The following NFIB variants were observed in gnomAD, a reference collection of about 807,000 sequenced individuals.
NFIB encodes the protein nuclear factor 1 B-type.
Under a neutral mutation model 61.5 loss-of-function variants are expected in NFIB, and 11 were observed. That is an observed-to-expected ratio of 0.18 (90% CI 0.11 to 0.30). The LOEUF (loss-of-function observed/expected upper bound fraction) is 0.30, where lower values mean the gene tolerates loss of function less well. Ranked by LOEUF, NFIB falls within the 10% of genes least tolerant of loss-of-function variation. NFIB has a pLI of 1.00. For synonymous variants in NFIB, 260 were observed against 216.5 expected (o/e 1.20, Z -1.76); for missense variants, 471 against 608.9 (o/e 0.77, Z 2.38).
intron 5 of NFIB, among the ~76,000 whole-genome samples, chr9:14,149,131 T>C (rs2042593529): frequency 6.6e-6 from 1 of 152,178 alleles, no homozygotes; most frequent in Non-Finnish European, 1.5e-5. Flanking sequence ...AAGACTTTGA[T>C]ATGTCAGAGA....
chr9:14,106,276 T>C (rs983594582), intron 10 of NFIB, among the ~76,000 whole-genome samples: 5 of 152,262 alleles, frequency 3.3e-5, no homozygotes, highest in South Asian at 2.1e-4. Context: ...ATGCATATCC[T>C]TACAAAAATG....
chr9:14,339,822 AAC>A (rs1189320788), intron 1 of NFIB, among the ~76,000 whole-genome samples: 2 of 152,230 alleles, frequency 1.3e-5, no homozygotes, highest in Admixed American at 6.5e-5. Flanking sequence ...TTTAAAAATT[AAC>A]ACCCTGATAC....
At chr9:14,420,445 C>CAAAAAAAAAAAAAAA in the NFIB span, among the ~76,000 whole-genome samples, 113 of 42,418 alleles carry the variant, frequency 2.7e-3, 6 homozygotes, top group Middle Eastern at 0.025. Context: ...GACTCCGTCT[C>CAAAAAAAAAAAAAAA]AAAAAAAAAA....
At chr9:14,395,165 G>A (rs2061668966) in intron 1 of NFIB, among the ~76,000 whole-genome samples, 1 of 152,068 alleles carries the variant, frequency 6.6e-6, no homozygotes, top group African/African-American at 2.4e-5. Context: ...GCACCTGGCA[G>A]ATTGACTTTA....
chr9:14,197,517 A>C (rs1019008943), intron 2 of NFIB, among the ~76,000 whole-genome samples: 9 of 152,250 alleles, frequency 5.9e-5, no homozygotes. Flanking sequence ...TCTAGGGTAC[A>C]ATTGCCTTGT....
At position 14,138,238 on chromosome 9, in the gene NFIB, T is replaced by G. The variant is rs2041293307; in HGVS notation, c.925+8451A>C. On this transcript the variant is annotated intron_variant, in intron 6 of 10. Transcript: ENST00000380953. The stretch of plus-strand genomic sequence containing the variant: ...CACCTGACAGAAAGGAAGGGCTCAA[T>G]AAATAAATGACAACCACAAATGGCA... 2.0e-5 allele frequency among the ~76,000 whole-genome samples: 3 copies of G among 152,112 alleles called. No homozygotes were observed. The South Asian group carries it at 6.2e-4, about 32-fold the overall frequency.
At chr9:14,111,326 T>G (rs1347407685) in intron 10 of NFIB, among the ~76,000 whole-genome samples, 1 of 152,094 alleles carries the variant, frequency 6.6e-6, no homozygotes, top group Non-Finnish European at 1.5e-5. Flanking sequence ...GATAAGAAAA[T>G]TAAAGCTGCC....
In NFIB at chr9:14,279,062, A is replaced by G. The variant is rs549853515; in HGVS notation, c.562+27927T>C. Among the ~76,000 whole-genome samples, 11 of 152,256 alleles carry G rather than the reference A, an allele frequency of 7.2e-5. No individual in the cohort carries two copies. In the South Asian group the frequency reaches 2.3e-3, roughly 32 times the overall value. On this transcript the variant is annotated intron_variant, in intron 2 of 10. Transcript: ENST00000380953. ...GGGAGAAAAATATATGCATACACAC[A>G]CAGAGAGAGAGACGGACACAGAGAG...
Position 14,294,315 on chromosome 9 carries a change from A to T in NFIB, c.562+12674T>A, listed in dbSNP as rs935452055. Among the ~76,000 whole-genome samples, 3 of 152,234 alleles carry T rather than the reference A, an allele frequency of 2.0e-5. No individual in the cohort carries two copies. The East Asian group carries it at 5.8e-4, about 29-fold the overall frequency. On this transcript the variant is annotated intron_variant, in intron 2 of 10. Coordinates refer to ENST00000380953, the MANE Select transcript of NFIB (RefSeq NM_001190737.2). ...ATGCTTTACCATCAGGAATAAAGAA[A>T]TATGCAAGCATCTCTGAGAGGCTAT... is the stretch of plus-strand genomic sequence containing the variant.
At chr9:14,507,103 A>G in the NFIB span, among the ~76,000 whole-genome samples, 1 of 152,240 alleles carries the variant, frequency 6.6e-6, no homozygotes, top group African/African-American at 2.4e-5. Context: ...CACAGTAGCT[A>G]ACAATTGATA....
At chr9:14,289,172 A>C in intron 2 of NFIB, among the ~76,000 whole-genome samples, 1 of 148,266 alleles carries the variant, frequency 6.7e-6, no homozygotes, top group Admixed American at 6.8e-5. Flanking sequence ...CCAAATATAT[A>C]ATATTTACCA....
chr9:14,266,605 CAATAA>C (rs1410496326), intron 2 of NFIB, among the ~76,000 whole-genome samples: 2 of 149,358 alleles, frequency 1.3e-5, no homozygotes, highest in African/African-American at 2.5e-5. Flanking sequence ...AAAAAAAAAA[CAATAA>C]AATAAAGTAA....
At chr9:14,449,964 A>AT in the NFIB span, among the ~76,000 whole-genome samples, 9 of 151,728 alleles carry the variant, frequency 5.9e-5, no homozygotes, top group Admixed American at 2.6e-4. Flanking sequence ...AATAAATAAA[A>AT]TTTTTTTTAA....
At chr9:14,115,711 T>A (rs1379904469) in intron 9 of NFIB, among the ~76,000 whole-genome samples, 1 of 152,212 alleles carries the variant, frequency 6.6e-6, no homozygotes, top group Non-Finnish European at 1.5e-5. Context: ...CCCAACCTTA[T>A]GCGACTGTTT....
intron 9 of NFIB, among the ~76,000 whole-genome samples, chr9:14,114,429 T>C (rs1401158800): frequency 1.3e-5 from 2 of 152,184 alleles, no homozygotes; most frequent in African/African-American, 2.4e-5. Context: ...TCTTTGACCA[T>C]AGTACTATAT....
At chr9:14,235,860 G>T (rs559933935) in intron 2 of NFIB, among the ~76,000 whole-genome samples, 1 of 152,276 alleles carries the variant, frequency 6.6e-6, no homozygotes, top group Admixed American at 6.5e-5. Flanking sequence ...CCCAAGGCTT[G>T]AACTTTAACT....
intron 2 of NFIB, among the ~76,000 whole-genome samples, chr9:14,234,373 C>CT (rs34134132): frequency 1.5e-3 from 216 of 146,956 alleles, no homozygotes; most frequent in South Asian, 7.3e-3. Context: ...TATCATTACT[C>CT]TTTTTTTTTT....
At chr9:14,352,204 A>C (rs2061120975) in intron 1 of NFIB, among the ~76,000 whole-genome samples, 2 of 152,232 alleles carry the variant, frequency 1.3e-5, no homozygotes, top group Admixed American at 1.3e-4. Context: ...AAACAGCATA[A>C]AATGAAAGTA....
At chr9:14,337,599 A>G (rs1158449783) in intron 1 of NFIB, among the ~76,000 whole-genome samples, 1 of 152,138 alleles carries the variant, frequency 6.6e-6, no homozygotes, top group African/African-American at 2.4e-5. Flanking sequence ...TCACTTTAAA[A>G]TTTCAGTTCT....
Sources: gnomAD v4.1 joint callset for allele counts (sites outside exome capture counted in the v4.1 genomes callset) on GRCh38, gnomAD v4.1.1 for gene constraint, MANE v1.5 for transcripts, NCBI Gene and HGNC (gene_info 2026-07-23, HGNC 2026-07-21) for gene names.